Variants in ING1 observed in about 807,000 individuals in gnomAD.
The protein encoded by ING1 is inhibitor of growth family member 1.
A neutral mutation model predicts 23.1 loss-of-function variants in ING1; 4 were observed. That is an observed-to-expected ratio of 0.17 (90% confidence interval 0.09 to 0.40). The LOEUF (loss-of-function observed/expected upper bound fraction) is 0.40. ING1 is among the 10% of genes least tolerant of loss of function. The probability of loss-of-function intolerance (pLI) is 1.00; values close to 1 mark genes in which losing one functional copy is unlikely to be tolerated. For missense variants in ING1, 256 were observed against 393.8 expected, an observed-to-expected ratio of 0.65 and a Z score of 2.96; for synonymous variants, 179 against 166.4, an observed-to-expected ratio of 1.08 and a Z score of -0.58.
Position 110,720,021 on chromosome 13 carries a change from A to G in ING1, c.*89A>G. On this transcript the variant is annotated 3_prime_UTR_variant, in exon 2 of 2. Transcript: ENST00000333219. ...TTTGTTGAGGTGCAAGGAGTGTAAA[A>G]TGTATATTTTTAAAGAATGTTAGTA... 2.1e-6 allele frequency: 2 copies of G among 930,830 alleles called. No homozygotes were observed. The highest frequency in any genetic ancestry group is 2.8e-5 in the East Asian group (1 of 35,838). The allele number at this position is 930,830 out of a possible 1,614,324, so 57.7% of individuals were successfully genotyped here. A position where few individuals can be genotyped will look rare whatever the true frequency, so the allele number is the denominator to read the frequency against.
At chr13:110,714,822 C>T (rs544284004) in intron 1 of ING1, among the ~76,000 whole-genome samples, 2 of 152,330 alleles carry the variant, frequency 1.3e-5, no homozygotes, top group African/African-American at 4.8e-5. Flanking sequence ...TAGTACTCCG[C>T]TCGGGGTAGG....
upstream of ING1, chr13:110,712,870 C>T (rs778405241): frequency 1.1e-5 from 14 of 1,314,452 alleles, no homozygotes; most frequent in East Asian, 2.3e-4. Context: ...GTCTCCAAGC[C>T]GTTCCAAACT....
At chr13:110,718,740 GTA>G (rs1182410166) in intron 1 of ING1, among the ~76,000 whole-genome samples, 1 of 151,600 alleles carries the variant, frequency 6.6e-6, no homozygotes, top group Non-Finnish European at 1.5e-5. Flanking sequence ...ATTAATGTTT[GTA>G]TATTGTGTAT....
rs1218005547 is a variant in ING1 at position 110,714,289 on chromosome 13, C to G, written c.136+4C>G. 6.4e-7 allele frequency: 1 copy of G among 1,551,096 alleles called. No homozygotes were observed. Among genetic ancestry groups the G allele is most frequent in the Non-Finnish European group, 8.7e-7 (1 of 1,149,560 alleles). On this transcript the variant is annotated splice_donor_region_variant and intron_variant, in intron 1 of 1. Coordinates refer to ENST00000333219, the MANE Select transcript of ING1 (RefSeq NM_198219.3). ...GAGATCGACGCGAAATACCAAGGTA[C>G]GGCCGGGTGATGGATGGGCGGGGGC... is the stretch of plus-strand genomic sequence containing the variant.
At position 110,719,404 on chromosome 13, in the gene ING1, G is replaced by A; in HGVS notation, c.312G>A (p.Arg104=). ...QMVELVENRT[R]QVDSHVELFE... ...TGGAGCTGGTGGAGAACCGCACGCG[G>A]CAGGTGGACAGCCACGTGGAGCTGT... Residue 104 remains arginine (R), a synonymous_variant, in exon 2 of 2, where the codon CGG becomes CGA. Coordinates refer to ENST00000333219, the MANE Select transcript of ING1 (RefSeq NM_198219.3). The surrounding 1 kb of genome is among the most constrained non-coding windows in gnomAD (Gnocchi z 8.9). The A allele has an allele frequency of 6.2e-7, 1 of 1,611,350 alleles. No individual in the cohort carries two copies. The highest frequency in any genetic ancestry group is 8.5e-7 in the Non-Finnish European group (1 of 1,179,730).
At chr13:110,716,056 CT>C (rs768697711) in intron 1 of ING1, 59 of 1,474,632 alleles carry the variant, frequency 4.0e-5, no homozygotes, top group Middle Eastern at 4.7e-4. Flanking sequence ...GGCGCAGAAA[CT>C]TTTCTGGAAG....
upstream of ING1, chr13:110,712,834 A>G (rs2064048104): frequency 1.0e-6 from 1 of 975,596 alleles, no homozygotes; most frequent in Non-Finnish European, 1.6e-6. Context: ...CGGCACTAGG[A>G]AGCAGCTTCC....
intron 1 of ING1, chr13:110,715,021 G>T (rs940682717): frequency 5.0e-6 from 5 of 996,674 alleles, no homozygotes; most frequent in South Asian, 4.5e-5. Flanking sequence ...CTGCGCTCGG[G>T]GGGGCGCGGG....
intron 1 of ING1, among the ~76,000 whole-genome samples, chr13:110,717,037 G>T (rs2064129792): frequency 6.6e-6 from 1 of 152,210 alleles, no homozygotes; most frequent in Non-Finnish European, 1.5e-5. Flanking sequence ...AAGCTTGCTT[G>T]TGATGTAAAA....
At chr13:110,716,484 C>T (rs185497251) in intron 1 of ING1, among the ~76,000 whole-genome samples, 3 of 152,254 alleles carry the variant, frequency 2.0e-5, no homozygotes, top group East Asian at 1.9e-4. Flanking sequence ...GGAAGTCAAA[C>T]GTCTTTTGCT....
chr13:110,713,100 G>T (rs2064055505), upstream of ING1: 2 of 1,439,300 alleles, frequency 1.4e-6, no homozygotes, highest in Admixed American at 2.7e-5. Context: ...GGAGGACTTG[G>T]GTTTCTAGTA....
intron 1 of ING1, among the ~76,000 whole-genome samples, chr13:110,717,653 C>T (rs2064135429): frequency 1.3e-5 from 2 of 152,136 alleles, no homozygotes; most frequent in South Asian, 4.1e-4. Context: ...CATGGAGACA[C>T]CCTGTCTCTA....
chr13:110,712,819 G>A (rs1220848041), upstream of ING1: 1 of 856,036 alleles, frequency 1.2e-6, no homozygotes, highest in East Asian at 2.6e-5. Context: ...ACCTCTTCTG[G>A]GGCTCGGCAC....
Position 110,719,178 on chromosome 13 carries a change from G to T in ING1, c.137-51G>T, listed in dbSNP as rs1468501648. 1.3e-6 allele frequency: 2 copies of T among 1,581,554 alleles called. No individual in the cohort carries two copies. Among genetic ancestry groups the T allele is most frequent in the South Asian group, 1.1e-5 (1 of 88,920 alleles). On this transcript the variant is annotated intron_variant, in intron 1 of 1. Transcript: ENST00000333219. This position sits in a 1 kb window ranked among gnomAD's most constrained non-coding sequence, Gnocchi z 8.9. Reference sequence around the variant, plus strand: ...CCGTAGACCCGTCCGGGGCCGTGTGGGTTGTCCCGGTGTCCTGCTCGCGAG... The same window carrying T: ...CCGTAGACCCGTCCGGGGCCGTGTGTGTTGTCCCGGTGTCCTGCTCGCGAG...
rs985383729 is a variant in ING1, at chr13:110,715,153, C to G, written c.136+868C>G. 27 of 1,161,336 alleles carry G rather than the reference C, an allele frequency of 2.3e-5. No individual in the cohort carries two copies. The African/African-American group carries it at 4.1e-4, about 18-fold the overall frequency. The allele number at this position is 1,161,336 out of a possible 1,614,324, so 71.9% of individuals were successfully genotyped here. A position where few individuals can be genotyped will look rare whatever the true frequency, so the allele number is the denominator to read the frequency against. On this transcript the variant is annotated intron_variant, in intron 1 of 1. Coordinates refer to ENST00000333219, the MANE Select transcript of ING1 (RefSeq NM_198219.3). ...GTTCGTGTCCGCCGGGAATTGTTGGCTGTTGGGGAAACTTTCCTGCGAGGT... is the reference window on the plus strand; with the variant it reads ...GTTCGTGTCCGCCGGGAATTGTTGGGTGTTGGGGAAACTTTCCTGCGAGGT...
upstream of ING1, chr13:110,712,853 C>T: frequency 1.7e-6 from 2 of 1,148,784 alleles, no homozygotes; most frequent in Non-Finnish European, 1.3e-6. Flanking sequence ...CCCTCTCAGG[C>T]CCCTTTGTCT....
At chr13:110,715,309 G>A (rs1230481490) in intron 1 of ING1, 20 of 1,401,226 alleles carry the variant, frequency 1.4e-5, no homozygotes, top group Admixed American at 3.0e-5. Flanking sequence ...CGCTATCCCC[G>A]AAAGTACTAG....
At chr13:110,713,477 C>G (rs2064063761), upstream of ING1, 4 of 988,652 alleles carry the variant, frequency 4.0e-6, no homozygotes, top group Middle Eastern at 5.2e-4. Flanking sequence ...CACACCCCAG[C>G]GGCCCTGACG....
upstream of ING1, chr13:110,712,879 CTG>C (rs1388343013): frequency 1.4e-6 from 2 of 1,389,836 alleles, no homozygotes; most frequent in Admixed American, 3.9e-5. Context: ...CCGTTCCAAA[CTG>C]AGTACCGGGA....
Sources: gnomAD v4.1 joint callset for allele counts (sites outside exome capture counted in the v4.1 genomes callset) on GRCh38, gnomAD v4.1.1 for gene constraint, Gnocchi (gnomAD v3.1) non-coding constraint, MANE v1.5 for transcripts, NCBI Gene and HGNC (gene_info 2026-07-23, HGNC 2026-07-21) for gene names.